Variants in PTPN11 observed in about 807,000 individuals in gnomAD.
PTPN11 encodes tyrosine-protein phosphatase non-receptor type 11.
A neutral mutation model predicts 78.8 loss-of-function variants in PTPN11; 6 were observed. The ratio of observed to expected loss-of-function variants is 0.08; its 90% CI spans 0.04 to 0.15. The LOEUF is 0.15. PTPN11 is among the 10% of genes least tolerant of loss of function. PTPN11 has a pLI of 1.00. For synonymous variants in PTPN11, 221 were observed against 263.5 expected (o/e 0.84, Z 1.56); for missense variants, 386 against 744.8 (o/e 0.52, Z 5.61).
At chr12:112,444,266 A>G (rs1388520252) in intron 1 of PTPN11, among the ~76,000 whole-genome samples, 4 of 152,124 alleles carry the variant, frequency 2.6e-5, no homozygotes, top group East Asian at 1.9e-4. Context: ...AAAAATACCA[A>G]TTTGAATCCG....
At chr12:112,429,886 G>C (rs1414313845) in intron 1 of PTPN11, among the ~76,000 whole-genome samples, 2 of 152,020 alleles carry the variant, frequency 1.3e-5, no homozygotes, top group East Asian at 1.9e-4. Context: ...GAAATTTTTA[G>C]AACTAAATAG....
At position 112,482,616 on chromosome 12, in the gene PTPN11, T is replaced by A. The variant is rs2038613942; in HGVS notation, c.1224+411T>A. On this transcript the variant is annotated intron_variant, in intron 10 of 15. Transcript: ENST00000351677. The surrounding 1 kb of genome is among the most constrained non-coding windows in gnomAD (Gnocchi z 4.4). ...TAGGAGGCCTCCGCAGGGGCCTATG[T>A]TGATGGCCTCCTCTCCAAGTATCCA... Among the ~76,000 whole-genome samples the A allele has an allele frequency of 6.6e-6, 1 of 152,242 alleles. No individual in the cohort carries two copies. Among genetic ancestry groups the A allele is most frequent in the Middle Eastern group, 3.4e-3 (1 of 294 alleles).
chr12:112,499,496 C>T lies in PTPN11; in HGVS notation c.1600-2648C>T, dbSNP rs547407631. Reference sequence around the variant, plus strand: ...CTGGGATTACAGGTCTGCACCACCACGCCTGGCTAATTTTTGTATTTTTAG... The same window carrying T: ...CTGGGATTACAGGTCTGCACCACCATGCCTGGCTAATTTTTGTATTTTTAG... On this transcript the variant is annotated intron_variant, in intron 13 of 15. Coordinates refer to ENST00000351677, the MANE Select transcript of PTPN11 (RefSeq NM_002834.5). Among the ~76,000 whole-genome samples the T allele has an allele frequency of 2.8e-4, 43 of 152,088 alleles. No individual in the cohort carries two copies. In the East Asian group the frequency reaches 4.9e-3, roughly 17 times the overall value.
At chr12:112,490,821 T>G (rs1418149351) in intron 13 of PTPN11, among the ~76,000 whole-genome samples, 2 of 152,222 alleles carry the variant, frequency 1.3e-5, no homozygotes, top group Non-Finnish European at 2.9e-5. Flanking sequence ...TATAGTTTTC[T>G]GCGTTGTGTG....
intron 1 of PTPN11, among the ~76,000 whole-genome samples, chr12:112,428,229 T>C (rs1412243778): frequency 2.6e-5 from 4 of 152,168 alleles, no homozygotes; most frequent in African/African-American, 7.2e-5. Flanking sequence ...GTAATAAACT[T>C]GTTGATAAAC....
chr12:112,508,452 G>A lies in PTPN11; in HGVS notation c.*2660G>A, dbSNP rs2038962785. ...TGGAAAGGAAAGTTCCAAAGAGGTGGTTTCTGAGGAAGTCAGAGCGCCCAG... is the reference window on the plus strand; with the variant it reads ...TGGAAAGGAAAGTTCCAAAGAGGTGATTTCTGAGGAAGTCAGAGCGCCCAG... On this transcript the variant is annotated 3_prime_UTR_variant, in exon 16 of 16. Transcript: ENST00000351677. 1 of 152,344 alleles carries A rather than the reference G, an allele frequency of 6.6e-6. No homozygotes were observed. Among genetic ancestry groups the A allele is most frequent in the African/African-American group, 2.4e-5 (1 of 41,438 alleles). The allele number at this position is 152,344 out of a possible 1,614,324, so 9.4% of individuals were successfully genotyped here.
chr12:112,476,620 T>A (rs1428629049), intron 7 of PTPN11, among the ~76,000 whole-genome samples: 2 of 152,040 alleles, frequency 1.3e-5, no homozygotes, highest in Non-Finnish European at 2.9e-5. Context: ...AATACAAAAA[T>A]TAGCCAGATG....
intron 4 of PTPN11, among the ~76,000 whole-genome samples, 181 bp from the exon 5 acceptor site, chr12:112,454,383 G>A (rs1010401434): frequency 6.6e-6 from 1 of 152,294 alleles, no homozygotes; most frequent in Middle Eastern, 3.4e-3. Flanking sequence ...GCCTCCCAAA[G>A]TGCTGGAATT....
intron 6 of PTPN11, among the ~76,000 whole-genome samples, chr12:112,456,597 C>T (rs1424022018): frequency 6.6e-6 from 1 of 151,872 alleles, no homozygotes; most frequent in Non-Finnish European, 1.5e-5. Context: ...GTAGCTGGGA[C>T]TACAGGCACA....
At chr12:112,477,601 T>C in intron 7 of PTPN11, 50 bp from the exon 8 acceptor site, 1 of 1,437,702 alleles carries the variant, frequency 7.0e-7, no homozygotes, top group Non-Finnish European at 9.8e-7. Context: ...GAACTGTTTT[T>C]TCCTGAAGCA....
chr12:112,419,915 T>A (rs1370210228), intron 1 of PTPN11, among the ~76,000 whole-genome samples: 1 of 152,204 alleles, frequency 6.6e-6, no homozygotes, highest in Non-Finnish European at 1.5e-5. Flanking sequence ...AATGAGATCC[T>A]TTGAAAGGTC....
At position 112,418,985 on chromosome 12, in the gene PTPN11, G is replaced by T. The variant is rs961954641; in HGVS notation, c.-127G>T. 5.7e-6 allele frequency: 7 copies of T among 1,229,000 alleles called. No homozygotes were observed. The highest frequency in any genetic ancestry group is 6.8e-6 in the Non-Finnish European group (6 of 876,698). 76.1% of individuals were successfully genotyped at this position (1,229,000 alleles called of 1,614,324 possible). On this transcript the variant is annotated 5_prime_UTR_variant, in exon 1 of 16. Coordinates refer to ENST00000351677, the MANE Select transcript of PTPN11 (RefSeq NM_002834.5). ...CCCAGGCCTGGAGGGGGGTCTGTGC[G>T]CGGCCGGCTGGCTCTGCCCCGCGTC...
At chr12:112,470,803 A>T (rs908879890) in intron 6 of PTPN11, among the ~76,000 whole-genome samples, 6 of 152,092 alleles carry the variant, frequency 3.9e-5, no homozygotes, top group African/African-American at 1.4e-4. Flanking sequence ...CACTTCATTT[A>T]GTTGAAGTGA....
intron 13 of PTPN11, among the ~76,000 whole-genome samples, chr12:112,495,807 G>A (rs2038806575): frequency 6.6e-6 from 1 of 152,100 alleles, no homozygotes; most frequent in African/African-American, 2.4e-5. Context: ...ATAATGTGTT[G>A]CATATCTTAT....
intron 9 of PTPN11, among the ~76,000 whole-genome samples, chr12:112,481,177 G>C (rs894427594): frequency 6.6e-6 from 1 of 152,288 alleles, no homozygotes; most frequent in South Asian, 2.1e-4. Flanking sequence ...ACTTGGGTTA[G>C]ATAAGGCACA....
rs143433437 is a variant in PTPN11 at position 112,454,594 on chromosome 12, C to T, written c.556C>T (p.Arg186Trp). The change falls in exon 5 of 16, where the codon CGG becomes TGG. Residue 186 changes from arginine (R) to tryptophan (W), a missense_variant. Around this residue, in one of 3 missense-constraint regions of PTPN11, gnomAD observed 279 missense variants for 503.3 expected, o/e 0.55. Transcript: ENST00000351677. ...GAAATACGACGTTGGTGGAGGAGAA[C>T]GGTTTGATTCTTTGACAGATCTTGT... Reference protein sequence around the residue: ...ELKYDVGGGERFDSLTDLVEH... With the variant: ...ELKYDVGGGEWFDSLTDLVEH... 70 of 1,613,612 alleles carry T rather than the reference C, an allele frequency of 4.3e-5. No homozygotes were observed. Among genetic ancestry groups the T allele is most frequent in the Middle Eastern group, 3.4e-4 (2 of 5,966 alleles).
intron 6 of PTPN11, among the ~76,000 whole-genome samples, chr12:112,467,635 C>T (rs2038351097): frequency 6.6e-6 from 1 of 152,194 alleles, no homozygotes; most frequent in Admixed American, 6.5e-5. Flanking sequence ...GTTGGGACTA[C>T]AGGCGCGCAT....
intron 1 of PTPN11, among the ~76,000 whole-genome samples, chr12:112,425,593 T>C (rs1007413379): frequency 2.0e-5 from 3 of 152,222 alleles, no homozygotes; most frequent in Admixed American, 1.3e-4. Flanking sequence ...ATTACATGAA[T>C]GTATTATCCA....
intron 4 of PTPN11, among the ~76,000 whole-genome samples, chr12:112,453,646 GTT>G (rs376601242): frequency 3.4e-5 from 4 of 116,558 alleles, no homozygotes; most frequent in Non-Finnish European, 5.6e-5. Context: ...CAGATTTTCT[GTT>G]TTTTTTTTTT....
Sources: gnomAD v4.1 joint callset for allele counts (sites outside exome capture counted in the v4.1 genomes callset) on GRCh38, gnomAD v4.1.1 for gene constraint, gnomAD v4.1.1 regional missense constraint, Gnocchi (gnomAD v3.1) non-coding constraint, MANE v1.5 for transcripts, NCBI Gene and HGNC (gene_info 2026-07-23, HGNC 2026-07-21) for gene names.